TCERG1: variants seen among roughly 807,000 people sequenced by gnomAD.
The protein encoded by TCERG1 is TATA box binding protein (TBP)-associated factor, RNA polymerase II, S, 150kD.
In TCERG1, 37 loss-of-function variants were observed where a neutral mutation model predicts 144.7. The ratio of observed to expected loss-of-function variants is 0.26; its 90% CI spans 0.20 to 0.34. TCERG1 has a LOEUF of 0.34. Ranked by LOEUF, TCERG1 falls within the 10% of genes least tolerant of loss-of-function variation. The pLI is 1.00. For synonymous variants in TCERG1, 492 were observed against 458.2 expected (o/e 1.07, Z -0.94); for missense variants, 1,027 against 1,380.7 (o/e 0.74, Z 4.06).
chr5:146,509,097 T>C (rs1248455071), intron 21 of TCERG1, 48 bp from the exon 22 acceptor site: 1 of 1,062,640 alleles, frequency 9.4e-7, no homozygotes, highest in South Asian at 1.6e-5. Context: ...ATTTTGGAAT[T>C]AGTGGGTTTT....
intron 1 of TCERG1, among the ~76,000 whole-genome samples, chr5:146,447,634 C>T (rs1010205310): frequency 2.0e-5 from 3 of 152,228 alleles, no homozygotes; most frequent in African/African-American, 7.2e-5. Flanking sequence ...CTTCCTAGTG[C>T]TTTCTTGGGG....
rs375682989 is a variant in TCERG1, at chr5:146,500,539, C to T, written c.2433+1853C>T. On this transcript the variant is annotated intron_variant, in intron 17 of 22. Coordinates refer to ENST00000679501, the MANE Select transcript of TCERG1 (RefSeq NM_001382548.1). ...AGCATTGTGATAGTTGAATCAATAG[C>T]TGAACACTAAAGGTTTAAAACTAAT... 1.7e-3 allele frequency among the ~76,000 whole-genome samples: 258 copies of T among 152,248 alleles called. 4 individuals carry two copies. Among genetic ancestry groups the T allele is most frequent in the African/African-American group, 5.9e-3 (244 of 41,546 alleles).
chr5:146,476,866 A>AGCCTCCT (rs547519714), intron 9 of TCERG1, among the ~76,000 whole-genome samples: 45 of 152,256 alleles, frequency 3.0e-4, no homozygotes, highest in East Asian at 1.9e-3. Flanking sequence ...TCACTGCCCC[A>AGCCTCCT]GCCTCCTGCC....
At chr5:146,478,366 CTA>C (rs1765042507) in intron 9 of TCERG1, 125 bp from the exon 10 acceptor site, 1 of 941,208 alleles carries the variant, frequency 1.1e-6, no homozygotes, top group Non-Finnish European at 1.5e-6. Flanking sequence ...CTGTAAATAA[CTA>C]TTGGTAATAA....
intron 1 of TCERG1, 59 bp from the exon 2 acceptor site, chr5:146,454,997 A>C: frequency 2.6e-6 from 4 of 1,530,338 alleles, no homozygotes; most frequent in Non-Finnish European, 3.6e-6. Flanking sequence ...ATTAGAGATC[A>C]GTAGCTACAT....
chr5:146,503,314 T>G (rs895164997), intron 17 of TCERG1, 61 bp from the exon 18 acceptor site: 1 of 1,496,176 alleles, frequency 6.7e-7, no homozygotes, highest in Non-Finnish European at 9.1e-7. Flanking sequence ...ATTTAAGATA[T>G]GATGAATTTC....
At chr5:146,479,373 A>G (rs978233455) in intron 10 of TCERG1, among the ~76,000 whole-genome samples, 4 of 152,174 alleles carry the variant, frequency 2.6e-5, no homozygotes, top group African/African-American at 9.7e-5. Flanking sequence ...ATGCTGAATT[A>G]TAAGTAATTT....
chr5:146,506,986 A>T (rs1383284794), intron 19 of TCERG1, 42 bp from the exon 20 acceptor site: 1 of 1,479,008 alleles, frequency 6.8e-7, no homozygotes, highest in Non-Finnish European at 9.0e-7. Context: ...GGACATTCAG[A>T]TAAGTCTCTT....
At chr5:146,474,666 G>A (rs1764667223) in intron 9 of TCERG1, among the ~76,000 whole-genome samples, 1 of 152,164 alleles carries the variant, frequency 6.6e-6, no homozygotes, top group Admixed American at 6.5e-5. Context: ...AGCTACCCCA[G>A]TCATCAGCAA....
chr5:146,449,171 G>C (rs1349288818), intron 1 of TCERG1, among the ~76,000 whole-genome samples: 1 of 152,198 alleles, frequency 6.6e-6, no homozygotes, highest in African/African-American at 2.4e-5. Context: ...TTTGTAACCT[G>C]AATGTACTTC....
At chr5:146,486,810 C>T (rs532175228) in intron 15 of TCERG1, among the ~76,000 whole-genome samples, 46 of 152,312 alleles carry the variant, frequency 3.0e-4, no homozygotes, top group South Asian at 2.5e-3. Flanking sequence ...CGTGGTGGCT[C>T]ATGCCTGTAA....
At chr5:146,463,027 C>T (rs1310554063) in intron 4 of TCERG1, among the ~76,000 whole-genome samples, 1 of 152,162 alleles carries the variant, frequency 6.6e-6, no homozygotes, top group Non-Finnish European at 1.5e-5. Flanking sequence ...TAAGGGCATA[C>T]TCCTTAGCCT....
intron 11 of TCERG1, 21 bp downstream of exon 11, chr5:146,479,932 T>C: frequency 3.7e-6 from 6 of 1,612,366 alleles, no homozygotes; most frequent in Non-Finnish European, 5.1e-6. Flanking sequence ...TAACCATAAA[T>C]TGCAGCTTCT....
Position 146,507,069 on chromosome 5 carries a change from C to T in TCERG1, c.2823C>T (p.Thr941=), listed in dbSNP as rs748066520. 6.2e-7 allele frequency: 1 copy of T among 1,611,160 alleles called. No individual in the cohort carries two copies. Among genetic ancestry groups the T allele is most frequent in the Non-Finnish European group, 8.5e-7 (1 of 1,179,118 alleles). Residue 941 remains threonine, a synonymous_variant, in exon 20 of 23, where the codon ACC becomes ACT. Transcript: ENST00000679501. The surrounding 1 kb of genome is among the most constrained non-coding windows in gnomAD (Gnocchi z 4.6). ...TGTCATGGTCTGATACTCGTAGGAC[C>T]CTCCGAAAAGATCACCGCTGGGAAT... ...SDVSWSDTRR[T]LRKDHRWESG...
chr5:146,471,407 G>T, intron 8 of TCERG1, 81 bp from the exon 9 acceptor site: 1 of 1,282,556 alleles, frequency 7.8e-7, no homozygotes, highest in South Asian at 1.5e-5. Context: ...ATTGCACTTT[G>T]AGCTGTTTGC....
Position 146,495,838 on chromosome 5 carries a change from A to G in TCERG1, c.2283-2698A>G, listed in dbSNP as rs1428947485. Among the ~76,000 whole-genome samples the G allele has an allele frequency of 1.3e-5, 2 of 152,194 alleles. 1 individual carries two copies. Among genetic ancestry groups the G allele is most frequent in the Admixed American group, 1.3e-4 (2 of 15,278 alleles). On this transcript the variant is annotated intron_variant, in intron 16 of 22. Coordinates refer to ENST00000679501, the MANE Select transcript of TCERG1 (RefSeq NM_001382548.1). Reference sequence around the variant, plus strand: ...ATTTTTTTTCTTCTAAAACCATGCTAAATATAGGATTGTTAATTATAAGAG... The same window carrying G: ...ATTTTTTTTCTTCTAAAACCATGCTGAATATAGGATTGTTAATTATAAGAG...
intron 15 of TCERG1, among the ~76,000 whole-genome samples, chr5:146,487,560 G>A (rs1765959847): frequency 1.3e-5 from 2 of 151,810 alleles, no homozygotes; most frequent in South Asian, 4.1e-4. Flanking sequence ...GTCATAGTGA[G>A]ATCTCTCTAC....
chr5:146,505,638 C>G (rs903232020), intron 19 of TCERG1: 2 of 152,242 alleles, frequency 1.3e-5, no homozygotes, highest in African/African-American at 4.8e-5. Context: ...TCAAGTATCT[C>G]TTCTGTGAGG....
In TCERG1 at chr5:146,480,066, G is replaced by T; in HGVS notation, c.1858G>T (p.Asp620Tyr). 6.2e-7 allele frequency: 1 copy of T among 1,600,478 alleles called. No homozygotes were observed. Among genetic ancestry groups the T allele is most frequent in the Non-Finnish European group, 8.5e-7 (1 of 1,174,668 alleles). Residue 620 changes from aspartate (D) to tyrosine (Y), a missense_variant, in exon 12 of 23, where the codon GAT becomes TAT. This residue lies in a region of TCERG1 where 482 missense variants were observed against 632.6 expected (regional missense o/e 0.76). Coordinates refer to ENST00000679501, the MANE Select transcript of TCERG1 (RefSeq NM_001382548.1). ...AGAATTAATGGAAGAAATTAATGAAGATGAGCCTGTTAAAGCAAAAAAACG... is the reference window on the plus strand; with the variant it reads ...AGAATTAATGGAAGAAATTAATGAATATGAGCCTGTTAAAGCAAAAAAACG... ...EQELMEEINEDEPVKAKKRKR... is the reference protein window; with the variant it reads ...EQELMEEINEYEPVKAKKRKR...
Sources: allele counts gnomAD v4.1 joint callset (sites outside exome capture counted in the v4.1 genomes callset), GRCh38; gene constraint gnomAD v4.1.1; regional missense constraint gnomAD v4.1.1; non-coding constraint Gnocchi (gnomAD v3.1); transcripts MANE v1.5; gene names NCBI Gene and HGNC (gene_info 2026-07-23, HGNC 2026-07-21).